The following COL6A3 variants were observed in gnomAD, a reference collection of about 807,000 sequenced individuals.
COL6A3 encodes collagen alpha-3(VI) chain.
In COL6A3, 137 loss-of-function variants were observed where a neutral mutation model predicts 274.1. That is an observed-to-expected ratio of 0.50 (90% confidence interval 0.44 to 0.58). COL6A3 has a LOEUF of 0.58. Among genes scored for constraint, COL6A3 ranks in the 20% least tolerant of loss-of-function variants. COL6A3 has a pLI of 0.00. For missense variants in COL6A3, 3,950 were observed against 4,124.9 expected (o/e 0.96, Z 1.16); for synonymous variants, 1,650 against 1,650.6 (o/e 1.00, Z 0.01).
intron 42 of COL6A3, chr2:237,326,386 C>G (rs1205353221): frequency 6.6e-6 from 1 of 152,166 alleles, no homozygotes; most frequent in Non-Finnish European, 1.5e-5. Context: ...CATAGCAGAA[C>G]TATTTTGAAG....
Position 237,339,027 on chromosome 2 carries a change from C to G in COL6A3, c.8555G>C (p.Gly2852Ala). The G allele has an allele frequency of 6.2e-7, 1 of 1,613,614 alleles. No individual in the cohort carries two copies. Among genetic ancestry groups the G allele is most frequent in the Non-Finnish European group, 8.5e-7 (1 of 1,179,542 alleles). ...TATAATCACTTACACTTGTTTGTGA[C>G]CAAACTTCACAAGGTTCTTTGTGGG... ...DQPTKNLVKF[G>A]HKQVNVPNNV... Residue 2852 changes from glycine (G) to alanine (A), a missense_variant, in exon 39 of 44, where the codon GGT (glycine) becomes GCT (alanine). Gly to Ala is a moderately conservative substitution (Grantham distance 60). Transcript: ENST00000295550.
chr2:237,378,972 A>G lies in COL6A3; in HGVS notation c.2161T>C (p.Ser721Pro), dbSNP rs146794191. 6 of 1,614,106 alleles carry G rather than the reference A, an allele frequency of 3.7e-6. No individual in the cohort carries two copies. The African/African-American group carries it at 8.0e-5, about 22-fold the overall frequency. Residue 721 changes from serine (S) to proline (P), a missense_variant, in exon 6 of 44, where the codon TCA becomes CCA. Ser to Pro is a moderately conservative substitution (Grantham distance 74). This residue lies in a region of COL6A3 where 1,934 missense variants were observed against 1,984.3 expected (regional missense o/e 0.97). Coordinates refer to ENST00000295550, the MANE Select transcript of COL6A3 (RefSeq NM_004369.4). ...TTGGCATAGACATAGCTTAGGGCTG[A>G]GCCTGTGTTCAGGCCCGAACCTCCC... ...LQGGSGLNTG[S>P]ALSYVYANHF...
At chr2:237,409,174 G>T (rs796402534) in intron 1 of COL6A3, among the ~76,000 whole-genome samples, 2 of 152,228 alleles carry the variant, frequency 1.3e-5, no homozygotes, top group African/African-American at 4.8e-5. Context: ...ATCCACCAAG[G>T]TAGTAGTTTT....
Position 237,348,618 on chromosome 2 carries a change from T to G in COL6A3, c.6925A>C (p.Lys2309Gln). 2 of 1,614,164 alleles carry G rather than the reference T, an allele frequency of 1.2e-6. No individual in the cohort carries two copies. The highest frequency in any genetic ancestry group is 1.7e-6 in the Non-Finnish European group (2 of 1,180,012). ...AATCCTCAGCAGATACGTACTTTTT[T>G]GCCTCTGCGTCCTTCACTGCCAACT... ...DGVGSEGRRG[K>Q]KGERGFPGYP... Residue 2309 changes from lysine (K) to glutamine (Q), a missense_variant, in exon 29 of 44, where the codon AAA (lysine) becomes CAA (glutamine). By Grantham distance (53) the Lys-to-Gln change is moderately conservative. Transcript: ENST00000295550.
intron 17 of COL6A3, among the ~76,000 whole-genome samples, chr2:237,359,793 G>A (rs1049818679): frequency 6.6e-6 from 1 of 152,162 alleles, no homozygotes; most frequent in Non-Finnish European, 1.5e-5. Flanking sequence ...CCAGGGCCGG[G>A]GCCGTGGGCA....
rs760201640 is a variant in COL6A3, at chr2:237,366,808, G to A, written c.5379C>T (p.Ser1793=). The change falls in exon 11 of 44, where the codon AGC becomes AGT. Residue 1793 remains serine (S), a synonymous_variant. Coordinates refer to ENST00000295550, the MANE Select transcript of COL6A3 (RefSeq NM_004369.4). Reference sequence around the variant, plus strand: ...CGTTGCCCACGCGGAACGCTGTGGCGCTGTTGGACGCTATCTTTCCAACCT... The same window carrying A: ...CGTTGCCCACGCGGAACGCTGTGGCACTGTTGGACGCTATCTTTCCAACCT... ...SEEVGKIASN[S]ATAFRVGNVQ... 2.2e-5 allele frequency: 36 copies of A among 1,614,114 alleles called. No homozygotes were observed. The highest frequency in any genetic ancestry group is 1.6e-4 in the Middle Eastern group (1 of 6,084).
chr2:237,340,560 A>C lies in COL6A3; in HGVS notation c.8356T>G (p.Phe2786Val). Residue 2786 changes from phenylalanine (F) to valine (V), a missense_variant, in exon 38 of 44, where the codon TTC (phenylalanine) becomes GTC (valine). Physicochemically the swap from Phe to Val is conservative, Grantham distance 50. Coordinates refer to ENST00000295550, the MANE Select transcript of COL6A3 (RefSeq NM_004369.4). ...AAGACGTCGTTTGGCTCACTGGCGA[A>C]GGTGTATACCTCCTTGATGTTCACC... is the stretch of plus-strand genomic sequence containing the variant. Reference protein sequence around the residue: ...RKVNIKEVYTFASEPNDVFFK... With the variant: ...RKVNIKEVYTVASEPNDVFFK... 1 of 1,614,192 alleles carries C rather than the reference A, an allele frequency of 6.2e-7. No individual in the cohort carries two copies. The highest frequency in any genetic ancestry group is 8.5e-7 in the Non-Finnish European group (1 of 1,180,036).
chr2:237,361,629 C>T lies in COL6A3; in HGVS notation c.6156+110G>A, dbSNP rs866638332. ...CCTTCTAACATAAGAAATGGTCTCT[C>T]GTCTCCTCCTTCATCTCCACACTCT... is the stretch of plus-strand genomic sequence containing the variant. On this transcript the variant is annotated intron_variant, in intron 15 of 43. Transcript: ENST00000295550. The surrounding 1 kb of genome is among the most constrained non-coding windows in gnomAD (Gnocchi z 5.1). 43 of 1,028,014 alleles carry T rather than the reference C, an allele frequency of 4.2e-5. No individual in the cohort carries two copies. The highest frequency in any genetic ancestry group is 3.9e-4 in the African/African-American group (25 of 63,722). 63.7% of individuals were successfully genotyped at this position (1,028,014 alleles called of 1,614,324 possible). A position where few individuals can be genotyped will look rare whatever the true frequency, so the allele number is the denominator to read the frequency against.
chr2:237,370,439 A>T (rs2077659619), intron 9 of COL6A3, among the ~76,000 whole-genome samples: 1 of 151,008 alleles, frequency 6.6e-6, no homozygotes, highest in Non-Finnish European at 1.5e-5. Flanking sequence ...GGGTTTCACC[A>T]TATTGACCAG....
chr2:237,347,520 A>C (rs575165691), intron 31 of COL6A3, among the ~76,000 whole-genome samples: 16 of 152,208 alleles, frequency 1.1e-4, no homozygotes, highest in Non-Finnish European at 2.2e-4. Context: ...GTCACCCATA[A>C]TGAGATTCGA....
chr2:237,366,143 T>C, intron 11 of COL6A3, 108 bp from the exon 12 acceptor site: 2 of 928,364 alleles, frequency 2.2e-6, no homozygotes, highest in Non-Finnish European at 3.5e-6. Flanking sequence ...GGCATCGCAC[T>C]CAAGTGCAAA....
At chr2:237,410,184 C>T (rs368327207) in intron 1 of COL6A3, among the ~76,000 whole-genome samples, 1 of 152,132 alleles carries the variant, frequency 6.6e-6, no homozygotes, top group Non-Finnish European at 1.5e-5. Context: ...ACTCCAGGCA[C>T]CACTTCAGAG....
rs761799119 is a variant in COL6A3 at position 237,372,155 on chromosome 2, C to A, written c.3862G>T (p.Ala1288Ser). ...TGCACTTCATCCTTGCTGGAATGGG[C>A]GTTCAGCAGGAACTCCACCTTGGGG... Reference protein sequence around the residue: ...DDPKVEFLLNAHSSKDEVQNA... With the variant: ...DDPKVEFLLNSHSSKDEVQNA... The change falls in exon 9 of 44, where the codon GCC becomes TCC. Residue 1288 changes from alanine (A) to serine (S), a missense_variant. Ala to Ser is a moderately conservative substitution (Grantham distance 99, BLOSUM62 1). This residue lies in a region of COL6A3 where 1,934 missense variants were observed against 1,984.3 expected (regional missense o/e 0.97). Transcript: ENST00000295550. 4 of 1,613,966 alleles carry A rather than the reference C, an allele frequency of 2.5e-6. No individual in the cohort carries two copies. The highest frequency in any genetic ancestry group is 2.2e-5 in the South Asian group (2 of 91,080).
Position 237,407,274 on chromosome 2 carries a change from G to A in COL6A3, c.-31+6679C>T, listed in dbSNP as rs183195906. On this transcript the variant is annotated intron_variant, in intron 1 of 43. Transcript: ENST00000295550. The surrounding 1 kb of genome is among the most constrained non-coding windows in gnomAD (Gnocchi z 4.3). ...AATCTGTTTGACTCAAACTGAATGT[G>A]TATCCTGTGATAGCAACATTTTAAA... Among the ~76,000 whole-genome samples the A allele has an allele frequency of 2.0e-5, 3 of 152,142 alleles. No individual in the cohort carries two copies. The highest frequency in any genetic ancestry group is 4.4e-5 in the Non-Finnish European group (3 of 68,028).
Position 237,374,437 on chromosome 2 carries a change from C to T in COL6A3, c.3654G>A (p.Pro1218=), listed in dbSNP as rs778039312. 4.0e-5 allele frequency: 64 copies of T among 1,613,172 alleles called. No homozygotes were observed. Among genetic ancestry groups the T allele is most frequent in the Middle Eastern group, 1.6e-4 (1 of 6,084 alleles). ...LTREELSRLQ[P]VLQPLPSPGV... is the part of the protein sequence containing the mutation. ...CTGGGCTCGGTAGAGGCTGCAACAC[C>T]GGCTGCAGCCTGCTCAGCTCCTCGC... The change falls in exon 8 of 44, where the codon CCG becomes CCA. Residue 1218 remains proline, a synonymous_variant. Transcript: ENST00000295550. This position sits in a 1 kb window ranked among gnomAD's most constrained non-coding sequence, Gnocchi z 4.8.
rs2078904702 is a variant in COL6A3, at chr2:237,413,460, A to G, written c.-31+493T>C. Among the ~76,000 whole-genome samples the G allele has an allele frequency of 6.6e-6, 1 of 152,158 alleles. No individual in the cohort carries two copies. The highest frequency in any genetic ancestry group is 6.5e-5 in the Admixed American group (1 of 15,278). ...AAATGTGCTCCACCAGGACCTTCCC[A>G]TGGGCGGCCCTGGGCAGAAAACCCA... On this transcript the variant is annotated intron_variant, in intron 1 of 43. Transcript: ENST00000295550. This position sits in a 1 kb window ranked among gnomAD's most constrained non-coding sequence, Gnocchi z 4.0.
chr2:237,412,427 C>T (rs1294351855), intron 1 of COL6A3, among the ~76,000 whole-genome samples: 2 of 152,236 alleles, frequency 1.3e-5, no homozygotes, highest in Non-Finnish European at 2.9e-5. Flanking sequence ...CTTGTCTGCT[C>T]TCCTTCAATG....
chr2:237,374,193 GC>G lies in COL6A3; in HGVS notation c.3679+218del, dbSNP rs1165274007. Among the ~76,000 whole-genome samples the G allele has an allele frequency of 6.6e-6, 1 of 152,156 alleles. No individual in the cohort carries two copies. The highest frequency in any genetic ancestry group is 1.5e-5 in the Non-Finnish European group (1 of 68,024). On this transcript the variant is annotated intron_variant, in intron 8 of 43. Transcript: ENST00000295550. The surrounding 1 kb of genome is among the most constrained non-coding windows in gnomAD (Gnocchi z 4.8). ...ATGTCCCTTTTGGAGAATTTAATTTGCCCCAAAACATGAATCTTAGCATCTC... is the reference window on the plus strand; with the variant it reads ...ATGTCCCTTTTGGAGAATTTAATTTGCCCAAAACATGAATCTTAGCATCTC...
At position 237,374,358 on chromosome 2, in the gene COL6A3, C is replaced by T. The variant is rs1217485046; in HGVS notation, c.3679+54G>A. ...AACACCTTGTGGCCCACAGTCCAGA[C>T]AAGTAGCCCCAGACAATGACACTGA... On this transcript the variant is annotated intron_variant, in intron 8 of 43. Transcript: ENST00000295550. The surrounding 1 kb of genome is among the most constrained non-coding windows in gnomAD (Gnocchi z 4.8). 6.2e-7 allele frequency: 1 copy of T among 1,602,488 alleles called. No individual in the cohort carries two copies. Among genetic ancestry groups the T allele is most frequent in the African/African-American group, 1.3e-5 (1 of 74,918 alleles).
Sources: allele counts gnomAD v4.1 joint callset (sites outside exome capture counted in the v4.1 genomes callset), GRCh38; gene constraint gnomAD v4.1.1; regional missense constraint gnomAD v4.1.1; non-coding constraint Gnocchi (gnomAD v3.1); transcripts MANE v1.5; gene names NCBI Gene and HGNC (gene_info 2026-07-23, HGNC 2026-07-21).